RIMS2: variants seen among roughly 807,000 people sequenced by gnomAD.
RIMS2 encodes the protein regulating synaptic membrane exocytosis 2, also known as regulating synaptic membrane exocytosis protein 2.
A neutral mutation model predicts 174.4 loss-of-function variants in RIMS2; 59 were observed. The ratio of observed to expected loss-of-function variants is 0.34; its 90% CI spans 0.27 to 0.42. The LOEUF (loss-of-function observed/expected upper bound fraction) is 0.42. RIMS2 is among the 10% of genes least tolerant of loss of function. RIMS2 has a pLI of 1.00. For missense variants in RIMS2, 1,620 were observed against 1,666.3 expected, an observed-to-expected ratio of 0.97 and a Z score of 0.48; for synonymous variants, 606 against 572.5, an observed-to-expected ratio of 1.06 and a Z score of -0.84.
chr8:103,537,425 G>A (rs1840329935), intron 1 of RIMS2, among the ~76,000 whole-genome samples: 1 of 152,202 alleles, frequency 6.6e-6, no homozygotes, highest in Non-Finnish European at 1.5e-5. Context: ...CAGAGATATT[G>A]TTAAGGATAT....
At chr8:103,871,618 T>A in intron 3 of RIMS2, among the ~76,000 whole-genome samples, 1 of 152,144 alleles carries the variant, frequency 6.6e-6, no homozygotes, top group East Asian at 1.9e-4. Context: ...TTGGAAACCA[T>A]ATTTACAAAG....
chr8:103,845,451 A>G (rs1484626062), intron 3 of RIMS2, among the ~76,000 whole-genome samples: 2 of 152,134 alleles, frequency 1.3e-5, no homozygotes, highest in East Asian at 1.9e-4. Context: ...CTTACAATTA[A>G]TCACTACTTT....
At chr8:104,143,444 A>G (rs893017035) in intron 19 of RIMS2, among the ~76,000 whole-genome samples, 1 of 152,180 alleles carries the variant, frequency 6.6e-6, no homozygotes, top group Non-Finnish European at 1.5e-5. Flanking sequence ...TAAAACCCAG[A>G]CATTTATCCA....
intron 2 of RIMS2, among the ~76,000 whole-genome samples, chr8:103,697,708 A>G (rs954216228): frequency 1.3e-5 from 2 of 152,136 alleles, no homozygotes; most frequent in Non-Finnish European, 2.9e-5. Flanking sequence ...AGCCTGGGTG[A>G]CAGAGTGAAA....
chr8:104,035,835 A>T (rs1036035626), intron 19 of RIMS2, among the ~76,000 whole-genome samples: 19 of 152,138 alleles, frequency 1.2e-4, no homozygotes, highest in African/African-American at 4.6e-4. Flanking sequence ...TTGTTGTAAA[A>T]TAAACATATT....
intron 2 of RIMS2, among the ~76,000 whole-genome samples, chr8:103,742,821 C>CT (rs2097774123): frequency 6.6e-6 from 1 of 152,128 alleles, no homozygotes; most frequent in African/African-American, 2.4e-5. Flanking sequence ...GCAGTGCATT[C>CT]TTTCATAATT....
chr8:103,799,512 A>G (rs1260238104), intron 3 of RIMS2, among the ~76,000 whole-genome samples: 1 of 152,124 alleles, frequency 6.6e-6, no homozygotes, highest in Non-Finnish European at 1.5e-5. Flanking sequence ...GGCATAGGGT[A>G]TGTATACTTT....
intron 5 of RIMS2, 68 bp downstream of exon 8, chr8:103,910,597 TA>T (rs1214954051): frequency 1.1e-6 from 1 of 880,680 alleles, no homozygotes; most frequent in Non-Finnish European, 1.8e-6. Flanking sequence ...TGTCACTCAT[TA>T]AAACAGAACA....
intron 14 of RIMS2, 118 bp downstream of exon 16, chr8:103,943,044 C>A: frequency 1.4e-6 from 1 of 723,462 alleles, no homozygotes; most frequent in Non-Finnish European, 2.2e-6. Context: ...GTTAGTGTTT[C>A]CATAGCTATG....
intron 3 of RIMS2, among the ~76,000 whole-genome samples, chr8:103,829,008 C>T (rs1243979104): frequency 6.6e-6 from 1 of 150,576 alleles, no homozygotes; most frequent in Non-Finnish European, 1.5e-5. Flanking sequence ...GTGATGGTGC[C>T]TCTAGCTTTG....
intron 2 of RIMS2, among the ~76,000 whole-genome samples, chr8:103,717,436 A>T (rs2097385727): frequency 1.3e-5 from 2 of 152,010 alleles, no homozygotes; most frequent in Non-Finnish European, 2.9e-5. Flanking sequence ...TTCCCTAGAG[A>T]ACCTATAAGC....
At chr8:103,901,183 A>G (rs1478627913) in intron 4 of RIMS2, among the ~76,000 whole-genome samples, 1 of 152,118 alleles carries the variant, frequency 6.6e-6, no homozygotes, top group African/African-American at 2.4e-5. Context: ...TGTCAGCCCT[A>G]TCAGTAAGAG....
At chr8:104,190,174 T>C (rs569575071) in intron 19 of RIMS2, among the ~76,000 whole-genome samples, 2 of 152,012 alleles carry the variant, frequency 1.3e-5, no homozygotes, top group Non-Finnish European at 2.9e-5. Context: ...TGGTGGTACA[T>C]GGCTGTAGAC....
intron 19 of RIMS2, among the ~76,000 whole-genome samples, chr8:104,061,619 T>C (rs2096991857): frequency 6.7e-6 from 1 of 148,982 alleles, no homozygotes; most frequent in East Asian, 1.9e-4. Flanking sequence ...TTTATATGTA[T>C]ATATATTTTT....
At chr8:104,158,340 T>C (rs2098738226) in intron 19 of RIMS2, among the ~76,000 whole-genome samples, 1 of 152,200 alleles carries the variant, frequency 6.6e-6, no homozygotes, top group Non-Finnish European at 1.5e-5. Context: ...CTATTGTGAA[T>C]AGTGCCGCAA....
At chr8:103,893,179 A>G (rs1181641304) in intron 4 of RIMS2, among the ~76,000 whole-genome samples, 1 of 152,104 alleles carries the variant, frequency 6.6e-6, no homozygotes, top group Non-Finnish European at 1.5e-5. Flanking sequence ...AATGTCAATA[A>G]TATGTAATAC....
intron 1 of RIMS2, among the ~76,000 whole-genome samples, chr8:103,590,102 A>G (rs1474782579): frequency 3.3e-5 from 5 of 151,512 alleles, no homozygotes; most frequent in Admixed American, 6.6e-5. Flanking sequence ...TTTGTAACTC[A>G]AAGAATAAAT....
intron 1 of RIMS2, among the ~76,000 whole-genome samples, chr8:103,574,749 C>T (rs2093087574): frequency 6.6e-6 from 1 of 152,088 alleles, no homozygotes; most frequent in Admixed American, 6.6e-5. Context: ...AAAAGAAAGC[C>T]CTTGGGAAGA....
chr8:103,928,507 G>T (rs1156493765), intron 11 of RIMS2, among the ~76,000 whole-genome samples: 1 of 151,328 alleles, frequency 6.6e-6, no homozygotes, highest in Admixed American at 6.6e-5. Flanking sequence ...TTGGGTACAA[G>T]TTGTTTGCCT....
Sources: gnomAD v4.1 joint callset for allele counts (sites outside exome capture counted in the v4.1 genomes callset) on GRCh38, gnomAD v4.1.1 for gene constraint, MANE v1.5 for transcripts, NCBI Gene and HGNC (gene_info 2026-07-23, HGNC 2026-07-21) for gene names.